The following SCEL variants were observed in gnomAD, a reference collection of about 807,000 sequenced individuals.
The protein encoded by SCEL is sciellin.
SCEL carries 113 observed loss-of-function variants against 117.6 expected under a neutral mutation model. The observed-to-expected ratio is 0.96, with a 90% CI of 0.83 to 1.12. The LOEUF (loss-of-function observed/expected upper bound fraction) is 1.12. Ranked by LOEUF, SCEL falls within the 50% of genes most tolerant of loss-of-function variation. SCEL has a pLI of 0.00. For synonymous variants in SCEL, 270 were observed against 256.2 expected (o/e 1.05, Z -0.51); for missense variants, 785 against 810.8 (o/e 0.97, Z 0.39).
At position 77,637,239 on chromosome 13, in the gene SCEL, G is replaced by GACAC. The variant is rs35846521; in HGVS notation, c.1838+55_1838+58dup. The GACAC allele has an allele frequency of 5.0e-5, 35 of 702,676 alleles. 2 individuals carry two copies. The highest frequency in any genetic ancestry group is 4.5e-4 in the East Asian group (11 of 24,710). 43.5% of individuals were successfully genotyped at this position (702,676 alleles called of 1,614,324 possible). A position where few individuals can be genotyped will look rare whatever the true frequency, so the allele number is the denominator to read the frequency against. On this transcript the variant is annotated intron_variant, in intron 30 of 32. Coordinates refer to ENST00000349847, the MANE Select transcript of SCEL (RefSeq NM_144777.3). The stretch of plus-strand genomic sequence containing the variant: ...CATACATAAAAAGTACACACATACA[G>GACAC]ACACACACACACATATATATATATA...
intron 28 of SCEL, among the ~76,000 whole-genome samples, chr13:77,628,893 A>G (rs2089901158): frequency 6.6e-6 from 1 of 152,076 alleles, no homozygotes. Context: ...ACCTTGAGAA[A>G]GTCTTTGAGA....
At position 77,589,195 on chromosome 13, in the gene SCEL, T is replaced by G. The variant is rs2086729160; in HGVS notation, c.597T>G (p.Ser199=). ...PIPPKPSSPV[S]SPNQLRQDNR... ...CTCCAAAGCCCAGTTCTCCTGTTTCTTCTCCTAACCAGCTGAGACAGGATA... is the reference window on the plus strand; with the variant it reads ...CTCCAAAGCCCAGTTCTCCTGTTTCGTCTCCTAACCAGCTGAGACAGGATA... The change falls in exon 10 of 33, where the codon TCT becomes TCG. Residue 199 remains serine, a synonymous_variant. Transcript: ENST00000349847. 1.9e-6 allele frequency: 3 copies of G among 1,613,002 alleles called. No individual in the cohort carries two copies. Among genetic ancestry groups the G allele is most frequent in the Non-Finnish European group, 2.5e-6 (3 of 1,179,044 alleles).
chr13:77,590,833 T>C (rs1318988106), intron 10 of SCEL, among the ~76,000 whole-genome samples: 1 of 152,034 alleles, frequency 6.6e-6, no homozygotes, highest in African/African-American at 2.4e-5. Context: ...AATGTATAAG[T>C]AGGTCAACCA....
intron 6 of SCEL, 137 bp downstream of exon 6, chr13:77,567,885 C>T: frequency 1.7e-6 from 1 of 596,036 alleles, no homozygotes; most frequent in Non-Finnish European, 2.9e-6. Context: ...CTGTTCATGG[C>T]TAGAATAAAA....
chr13:77,598,623 C>T (rs2087415635), intron 13 of SCEL, among the ~76,000 whole-genome samples: 1 of 152,206 alleles, frequency 6.6e-6, no homozygotes, highest in Admixed American at 6.5e-5. Context: ...TCCACTGAGT[C>T]TAGTGTTGCA....
intron 3 of SCEL, 109 bp from the exon 4 acceptor site, chr13:77,559,695 A>G (rs2084864363): frequency 1.2e-6 from 1 of 826,632 alleles, no homozygotes; most frequent in Admixed American, 2.0e-5. Flanking sequence ...AAGTAAAATG[A>G]ATTAACCTTG....
intron 1 of SCEL, 73 bp from the exon 2 acceptor site, chr13:77,555,784 C>T (rs1028825457): frequency 3.1e-6 from 3 of 973,154 alleles, no homozygotes; most frequent in Non-Finnish European, 5.0e-6. Flanking sequence ...AAGTGAATCT[C>T]AGTCATGAAA....
chr13:77,569,914 C>T (rs1243618527), intron 8 of SCEL, among the ~76,000 whole-genome samples: 1 of 152,194 alleles, frequency 6.6e-6, no homozygotes, highest in African/African-American at 2.4e-5. Flanking sequence ...CACCGACCTC[C>T]TCTGCATGGT....
intron 1 of SCEL, among the ~76,000 whole-genome samples, chr13:77,540,106 G>A (rs893667012): frequency 1.3e-5 from 2 of 151,898 alleles, no homozygotes; most frequent in Non-Finnish European, 1.5e-5. Flanking sequence ...AACGAGAAAG[G>A]GATTTATTCT....
chr13:77,618,154 C>T, intron 27 of SCEL, 94 bp downstream of exon 27: 16 of 916,954 alleles, frequency 1.7e-5, no homozygotes, highest in Non-Finnish European at 2.5e-5. Flanking sequence ...CCCTTCCTCC[C>T]TTACTCCTTT....
chr13:77,558,262 A>G (rs573815242), intron 3 of SCEL, among the ~76,000 whole-genome samples: 1 of 152,306 alleles, frequency 6.6e-6, no homozygotes, highest in Non-Finnish European at 1.5e-5. Flanking sequence ...CATAGGAGCT[A>G]CTGAATGAAG....
In SCEL at chr13:77,644,345, T is replaced by C; in HGVS notation, c.*71T>C. 6.8e-7 allele frequency: 1 copy of C among 1,462,206 alleles called. No individual in the cohort carries two copies. Among genetic ancestry groups the C allele is most frequent in the Non-Finnish European group, 9.5e-7 (1 of 1,050,808 alleles). 90.6% of individuals were successfully genotyped at this position (1,462,206 alleles called of 1,614,324 possible). A position where few individuals can be genotyped will look rare whatever the true frequency, so the allele number is the denominator to read the frequency against. ...AAAGTTACAAGTTTTATCTTAATAATATGTAATCTAGAAAAGCTTTCACAT... is the reference window on the plus strand; with the variant it reads ...AAAGTTACAAGTTTTATCTTAATAACATGTAATCTAGAAAAGCTTTCACAT... On this transcript the variant is annotated 3_prime_UTR_variant, in exon 33 of 33. Coordinates refer to ENST00000349847, the MANE Select transcript of SCEL (RefSeq NM_144777.3).
chr13:77,569,219 A>G (rs1363252168), intron 7 of SCEL, 152 bp from the exon 8 acceptor site: 6 of 590,330 alleles, frequency 1.0e-5, no homozygotes, highest in Non-Finnish European at 1.8e-5. Flanking sequence ...CAACTAAGGA[A>G]GAAGATTTTT....
intron 4 of SCEL, among the ~76,000 whole-genome samples, chr13:77,563,228 TC>T (rs2085084399): frequency 6.6e-6 from 1 of 151,438 alleles, no homozygotes; most frequent in East Asian, 2.0e-4. Flanking sequence ...CTTCTATCCT[TC>T]CTTTCTCTCA....
At chr13:77,559,958 C>T in intron 4 of SCEL, 95 bp downstream of exon 4, 7 of 1,055,924 alleles carry the variant, frequency 6.6e-6, no homozygotes, top group Non-Finnish European at 8.8e-6. Context: ...TTGCAGCATG[C>T]CTTGGGCTTT....
At chr13:77,634,542 T>C (rs1349332308) in intron 29 of SCEL, 92 bp downstream of exon 29, 3 of 839,868 alleles carry the variant, frequency 3.6e-6, no homozygotes, top group African/African-American at 3.4e-5. Flanking sequence ...TAGAGTGTGC[T>C]TCTTTCAAAT....
Position 77,569,391 on chromosome 13 carries a change from A to T in SCEL, c.419A>T (p.Asn140Ile). 1.2e-6 allele frequency: 2 copies of T among 1,613,960 alleles called. No homozygotes were observed. The highest frequency in any genetic ancestry group is 1.7e-6 in the Non-Finnish European group (2 of 1,179,826). ...AACAGGCAACCTGGCGGTTCATTGA[A>T]TGCCAACACCTCCAACACCATAGCA... Reference protein sequence around the residue: ...VTKLQPGGSLNANTSNTIAST... With the variant: ...VTKLQPGGSLIANTSNTIAST... Residue 140 changes from asparagine to isoleucine, a missense_variant, in exon 8 of 33, where the codon AAT (asparagine) becomes ATT (isoleucine). Coordinates refer to ENST00000349847, the MANE Select transcript of SCEL (RefSeq NM_144777.3).
rs555254026 is a variant in SCEL at position 77,616,133 on chromosome 13, C to A, written c.1452-1466C>A. On this transcript the variant is annotated intron_variant, in intron 24 of 32. Coordinates refer to ENST00000349847, the MANE Select transcript of SCEL (RefSeq NM_144777.3). ...TAACAGTGGTTAGAATATCATTGTT[C>A]TAGATTATTAGGTAAATTAAATTTT... Among the ~76,000 whole-genome samples, 37 of 150,504 alleles carry A rather than the reference C, an allele frequency of 2.5e-4. 2 individuals are homozygous for A. The South Asian group carries it at 7.0e-3, about 28-fold the overall frequency.
At chr13:77,600,702 G>A (rs553113869) in intron 15 of SCEL, among the ~76,000 whole-genome samples, 6 of 151,908 alleles carry the variant, frequency 3.9e-5, no homozygotes, top group South Asian at 2.1e-4. Context: ...AACCAAAGCC[G>A]TGACCATTTC....
Sources: gnomAD v4.1 joint callset for allele counts (sites outside exome capture counted in the v4.1 genomes callset) on GRCh38, gnomAD v4.1.1 for gene constraint, MANE v1.5 for transcripts, NCBI Gene and HGNC (gene_info 2026-07-23, HGNC 2026-07-21) for gene names.